The following IDI1 variants were observed in gnomAD, a reference collection of about 807,000 sequenced individuals.
IDI1 encodes the protein isopentenyl-diphosphate delta isomerase 1.
Under a neutral mutation model 32.9 loss-of-function variants are expected in IDI1, and 23 were observed. The ratio of observed to expected loss-of-function variants is 0.70; its 90% CI spans 0.50 to 0.99. IDI1 has a LOEUF of 0.99. IDI1 is among the 50% of genes least tolerant of loss of function. The pLI, the probability that IDI1 is intolerant of heterozygous loss-of-function variation, is 0.00. For missense variants in IDI1, 326 were observed against 351.9 expected, an observed-to-expected ratio of 0.93 and a Z score of 0.59; for synonymous variants, 133 against 128.2, an observed-to-expected ratio of 1.04 and a Z score of -0.25.
At chr10:1,055,220 T>C in the IDI1 span, among the ~76,000 whole-genome samples, 1 of 152,242 alleles carries the variant, frequency 6.6e-6, no homozygotes, top group African/African-American at 2.4e-5. Flanking sequence ...CACATTCTCA[T>C]GCTTAAAATT....
At chr10:1,050,325 A>G (rs1240504311), upstream of IDI1, among the ~76,000 whole-genome samples, 1 of 152,240 alleles carries the variant, frequency 6.6e-6, no homozygotes, top group African/African-American at 2.4e-5. Context: ...CTTCACACAG[A>G]TAAGAAAATC....
chr10:1,051,936 G>A (rs185542683), upstream of IDI1, among the ~76,000 whole-genome samples: 409 of 152,286 alleles, frequency 2.7e-3, no homozygotes, highest in Non-Finnish European at 4.4e-3. Flanking sequence ...GCAGTGGTGC[G>A]ATCTTGGCTC....
In IDI1 at chr10:1,049,014, ATTGGCGCCCGTACGCGC is replaced by A. The variant is rs1832900835; in HGVS notation, c.-28_-12del. On this transcript the variant is annotated 5_prime_UTR_variant, in exon 1 of 5. Transcript: ENST00000381344. ...CAGTCCACGCCACATCGCCCGGCCA[ATTGGCGCCCGTACGCGC>A]TTGACGACACAATCTCGCCAAGCTT... 2.7e-6 allele frequency: 4 copies of A among 1,480,030 alleles called. No homozygotes were observed. The highest frequency in any genetic ancestry group is 3.6e-6 in the Non-Finnish European group (4 of 1,124,586). 91.7% of individuals were successfully genotyped at this position (1,480,030 alleles called of 1,614,324 possible). A position where few individuals can be genotyped will look rare whatever the true frequency, so the allele number is the denominator to read the frequency against.
In IDI1 at chr10:1,048,196, G is replaced by C. The variant is rs907775710; in HGVS notation, c.140+668C>G. ...GCTCTTTCAGGATTTTCAGAATTCA[G>C]ATTTTAAAGCTAAGCTGCATAATCA... On this transcript the variant is annotated intron_variant, in intron 1 of 4. Transcript: ENST00000381344. 1.6e-5 allele frequency: 20 copies of C among 1,266,504 alleles called. No individual in the cohort carries two copies. In the African/African-American group the frequency reaches 3.1e-4, roughly 19 times the overall value. The allele number at this position is 1,266,504 out of a possible 1,614,324, so 78.5% of individuals were successfully genotyped here. A position where few individuals can be genotyped will look rare whatever the true frequency, so the allele number is the denominator to read the frequency against.
upstream of IDI1, among the ~76,000 whole-genome samples, chr10:1,053,032 G>A (rs538534424): frequency 2.0e-5 from 3 of 152,070 alleles, no homozygotes; most frequent in Non-Finnish European, 2.9e-5. Context: ...TTGAGATGGA[G>A]TCTCACTCTG....
rs41285599 is a variant in IDI1, at chr10:1,043,967, G to A, written c.313+32C>T. The A allele has an allele frequency of 1.1e-4, 182 of 1,587,296 alleles. No individual in the cohort carries two copies. Among genetic ancestry groups the A allele is most frequent in the Non-Finnish European group, 1.5e-4 (172 of 1,163,854 alleles). ...CAAATCGGAAATGCCTACACAAATCGCTTTACAAGAAAGACTGTTTCAAAG... is the reference window on the plus strand; with the variant it reads ...CAAATCGGAAATGCCTACACAAATCACTTTACAAGAAAGACTGTTTCAAAG... On this transcript the variant is annotated intron_variant, in intron 2 of 4. Coordinates refer to ENST00000381344, the MANE Select transcript of IDI1 (RefSeq NM_004508.4).
At chr10:1,053,648 C>A (rs1030208232), upstream of IDI1, among the ~76,000 whole-genome samples, 13 of 152,186 alleles carry the variant, frequency 8.5e-5, no homozygotes, top group African/African-American at 3.1e-4. Context: ...AATCATTAAT[C>A]ATTTCTAGTT....
chr10:1,048,280 G>A lies in IDI1; in HGVS notation c.140+584C>T, dbSNP rs776481962. 31 of 1,304,194 alleles carry A rather than the reference G, an allele frequency of 2.4e-5. 1 individual carries two copies. The South Asian group carries it at 3.7e-4, about 16-fold the overall frequency. The allele number at this position is 1,304,194 out of a possible 1,614,324, so 80.8% of individuals were successfully genotyped here. A position where few individuals can be genotyped will look rare whatever the true frequency, so the allele number is the denominator to read the frequency against. ...AAAGAATACCATGTAGTAGACGCGG[G>A]AACACATCATCCAACCCAAGAAAAA... On this transcript the variant is annotated intron_variant, in intron 1 of 4. Coordinates refer to ENST00000381344, the MANE Select transcript of IDI1 (RefSeq NM_004508.4).
rs2131583637 is a variant in IDI1 at position 1,048,454 on chromosome 10, T to C, written c.140+410A>G. 2.6e-5 allele frequency: 33 copies of C among 1,270,432 alleles called. 1 individual carries two copies. The Middle Eastern group carries it at 1.3e-3, about 50-fold the overall frequency. The allele number at this position is 1,270,432 out of a possible 1,614,324, so 78.7% of individuals were successfully genotyped here. A position where few individuals can be genotyped will look rare whatever the true frequency, so the allele number is the denominator to read the frequency against. Reference sequence around the variant, plus strand: ...CGTGGACTCGGCACGGGGAGGCCGGTGTCGTCACGCTCGTGTTTCTGACGA... The same window carrying C: ...CGTGGACTCGGCACGGGGAGGCCGGCGTCGTCACGCTCGTGTTTCTGACGA... On this transcript the variant is annotated intron_variant, in intron 1 of 4. Coordinates refer to ENST00000381344, the MANE Select transcript of IDI1 (RefSeq NM_004508.4).
Position 1,048,913 on chromosome 10 carries a change from T to G in IDI1, c.91A>C (p.Ser31Arg). 1.2e-6 allele frequency: 2 copies of G among 1,604,778 alleles called. No individual in the cohort carries two copies. The highest frequency in any genetic ancestry group is 1.7e-6 in the Non-Finnish European group (2 of 1,177,320). The part of the protein sequence containing the change: ...WAVRAADCAQ[S>R]GRHPGPAVVC... Reference sequence around the variant, plus strand: ...ACCGCCGGTCCCGGATGGCGCCCGCTTTGAGCACAGTCTGCGGCGCGCACC... The same window carrying G: ...ACCGCCGGTCCCGGATGGCGCCCGCGTTGAGCACAGTCTGCGGCGCGCACC... The change falls in exon 1 of 5, where the codon AGC (serine) becomes CGC (arginine). Residue 31 changes from serine (S) to arginine (R), a missense_variant. Physicochemically the swap from Ser to Arg is moderately radical, Grantham distance 110 (BLOSUM62 -1). This residue lies in a region of IDI1 where 121 missense variants were observed against 78.4 expected (regional missense o/e 1.54). Coordinates refer to ENST00000381344, the MANE Select transcript of IDI1 (RefSeq NM_004508.4).
At chr10:1,055,388 A>G in the IDI1 span, among the ~76,000 whole-genome samples, 2 of 152,250 alleles carry the variant, frequency 1.3e-5, no homozygotes, top group Admixed American at 6.5e-5. Context: ...TCCTAAATAT[A>G]TCAACTTAAA....
At chr10:1,045,587 CT>C (rs1288687541) in intron 1 of IDI1, among the ~76,000 whole-genome samples, 4 of 152,234 alleles carry the variant, frequency 2.6e-5, no homozygotes, top group Admixed American at 2.6e-4. Flanking sequence ...CTGCTTTGAC[CT>C]CCCAAGTAGC....
At chr10:1,052,119 C>CCTTG (rs1347551007), upstream of IDI1, among the ~76,000 whole-genome samples, 1 of 152,168 alleles carries the variant, frequency 6.6e-6, no homozygotes, top group Non-Finnish European at 1.5e-5. Flanking sequence ...GATCTGCCCA[C>CCTTG]CTTGGCCTCT....
chr10:1,049,191 TC>T (rs1177072977), upstream of IDI1: 26 of 985,164 alleles, frequency 2.6e-5, no homozygotes, highest in Non-Finnish European at 3.6e-5. Context: ...AGAGGCAGCG[TC>T]CCGCGACTGG....
the IDI1 span, among the ~76,000 whole-genome samples, chr10:1,055,809 A>C: frequency 6.6e-6 from 1 of 151,440 alleles, no homozygotes; most frequent in East Asian, 1.9e-4. Flanking sequence ...CTTCATCTTG[A>C]GCTTCCTTAT....
rs771603096 is a variant in IDI1 at position 1,042,666 on chromosome 10, C to G, written c.503G>C (p.Arg168Pro). The G allele has an allele frequency of 5.6e-6, 9 of 1,613,932 alleles. No homozygotes were observed. The highest frequency in any genetic ancestry group is 1.3e-5 in the African/African-American group (1 of 74,898). Residue 168 changes from arginine (R) to proline (P), a missense_variant, in exon 4 of 5, where the codon CGG (arginine) becomes CCG (proline). Physicochemically the swap from Arg to Pro is moderately radical, Grantham distance 103. This residue lies in a region of IDI1 where 205 missense variants were observed against 273.5 expected (regional missense o/e 0.75). Coordinates refer to ENST00000381344, the MANE Select transcript of IDI1 (RefSeq NM_004508.4). ...GGGAATTCCTAGCTCAGCTTTCAGC[C>G]GTCTCTGTGCTGCTCGCCTCACTCC... ...ALGVRRAAQR[R>P]LKAELGIPLE... is the part of the protein sequence containing the mutation.
upstream of IDI1, among the ~76,000 whole-genome samples, chr10:1,050,623 A>G (rs1334625465): frequency 6.6e-6 from 1 of 152,246 alleles, no homozygotes; most frequent in Non-Finnish European, 1.5e-5. Flanking sequence ...GGTCATGTGT[A>G]GCTGAAGCCT....
upstream of IDI1, among the ~76,000 whole-genome samples, chr10:1,053,993 T>G (rs1833079373): frequency 6.6e-6 from 1 of 152,302 alleles, no homozygotes; most frequent in South Asian, 2.1e-4. Context: ...TCAGAACACA[T>G]AAAACATTTA....
intron 1 of IDI1, among the ~76,000 whole-genome samples, chr10:1,045,866 G>GGTGTGTGTGTGT (rs10598743): frequency 7.5e-4 from 114 of 151,068 alleles, no homozygotes; most frequent in Non-Finnish European, 1.2e-3. Flanking sequence ...ATAGGGTCTG[G>GGTGTGTGTGTGT]GTGTGTGTGT....
Sources: gnomAD v4.1 joint callset for allele counts (sites outside exome capture counted in the v4.1 genomes callset) on GRCh38, gnomAD v4.1.1 for gene constraint, gnomAD v4.1.1 regional missense constraint, MANE v1.5 for transcripts, NCBI Gene and HGNC (gene_info 2026-07-23, HGNC 2026-07-21) for gene names.